Variants in CLYBL observed in about 807,000 individuals in gnomAD.
The protein encoded by CLYBL is citramalyl-CoA lyase.
In CLYBL, 31 loss-of-function variants were observed where a neutral mutation model predicts 38.9. That is an observed-to-expected ratio of 0.80 (90% CI 0.60 to 1.08). CLYBL has a LOEUF of 1.08. Among genes scored for constraint, CLYBL ranks in the 50% least tolerant of loss-of-function variants. The pLI is 0.00. For missense variants in CLYBL, 434 were observed against 411.6 expected, an observed-to-expected ratio of 1.05 and a Z score of -0.47; for synonymous variants, 171 against 158.6, an observed-to-expected ratio of 1.08 and a Z score of -0.59.
chr13:99,676,164 G>T (rs1226551221), intron 1 of CLYBL, among the ~76,000 whole-genome samples: 1 of 136,946 alleles, frequency 7.3e-6, no homozygotes, highest in Non-Finnish European at 1.7e-5. Context: ...CCACAGACTG[G>T]CTTCCTTCCT....
chr13:99,866,518 C>A, intron 6 of CLYBL, 111 bp downstream of exon 6: 1 of 858,088 alleles, frequency 1.2e-6, no homozygotes, highest in Non-Finnish European at 1.7e-6. Flanking sequence ...ATACTTACTC[C>A]ACTATTTGAA....
intron 1 of CLYBL, among the ~76,000 whole-genome samples, chr13:99,708,834 C>T (rs541086237): frequency 4.1e-4 from 62 of 152,216 alleles, no homozygotes; most frequent in Non-Finnish European, 7.1e-4. Flanking sequence ...TGGCTCACAC[C>T]TGTAATCCCA....
chr13:99,733,970 T>C (rs1035345686), intron 1 of CLYBL, among the ~76,000 whole-genome samples: 2 of 152,224 alleles, frequency 1.3e-5, no homozygotes, highest in East Asian at 1.9e-4. Context: ...TTGAATGTGC[T>C]CGACTTTTAT....
chr13:99,879,337 T>C (rs2052134462), intron 7 of CLYBL, among the ~76,000 whole-genome samples: 1 of 152,186 alleles, frequency 6.6e-6, no homozygotes. Flanking sequence ...TCCACTCAAT[T>C]TCCACATTCC....
chr13:99,899,838 C>T (rs893223962), downstream of CLYBL, among the ~76,000 whole-genome samples: 1 of 152,176 alleles, frequency 6.6e-6, no homozygotes, highest in Non-Finnish European at 1.5e-5. Flanking sequence ...AACCTGCGCA[C>T]AGTAGAGTTT....
downstream of CLYBL, among the ~76,000 whole-genome samples, chr13:99,901,602 C>G (rs112314928): frequency 4.4e-3 from 670 of 151,286 alleles, 9 homozygotes; most frequent in African/African-American, 0.015. Flanking sequence ...AATTTTGCTG[C>G]CAAAGTTGCT....
Position 99,655,328 on chromosome 13 carries a change from G to A in CLYBL, c.62+48571G>A, listed in dbSNP as rs7322953. Among the ~76,000 whole-genome samples, 723 of 152,128 alleles carry A rather than the reference G, an allele frequency of 4.8e-3. 8 individuals are homozygous for A. Among genetic ancestry groups the A allele is most frequent in the African/African-American group, 0.016 (659 of 41,526 alleles). On this transcript the variant is annotated intron_variant, in intron 1 of 8. Transcript: ENST00000339105. ...TGACCTCAGATGATCTGTCTGCCTCGGCCTCCCAAAGTGCTGGGATTATAG... is the reference window on the plus strand; with the variant it reads ...TGACCTCAGATGATCTGTCTGCCTCAGCCTCCCAAAGTGCTGGGATTATAG...
At chr13:99,786,892 C>A (rs550950764) in intron 2 of CLYBL, among the ~76,000 whole-genome samples, 1 of 151,822 alleles carries the variant, frequency 6.6e-6, no homozygotes, top group Non-Finnish European at 1.5e-5. Context: ...TTTTAATGAT[C>A]GCCATTCTAA....
intron 2 of CLYBL, among the ~76,000 whole-genome samples, chr13:99,854,155 T>A (rs967240730): frequency 6.6e-6 from 1 of 152,166 alleles, no homozygotes; most frequent in Non-Finnish European, 1.5e-5. Context: ...AAATCTTGGG[T>A]CGCACATAGC....
intron 3 of CLYBL, 29 bp downstream of exon 3, chr13:99,859,078 T>C (rs764012356): frequency 1.3e-6 from 2 of 1,577,412 alleles, no homozygotes; most frequent in East Asian, 4.5e-5. Context: ...GCCTTAAGAC[T>C]CAGGAGCAGC....
intron 2 of CLYBL, among the ~76,000 whole-genome samples, chr13:99,824,668 T>G (rs1449896270): frequency 6.6e-6 from 1 of 152,126 alleles, no homozygotes; most frequent in Non-Finnish European, 1.5e-5. Flanking sequence ...TTTCTTTTCC[T>G]CTTTATCTCA....
intron 1 of CLYBL, among the ~76,000 whole-genome samples, chr13:99,670,445 T>C (rs1476219195): frequency 6.6e-6 from 1 of 151,734 alleles, no homozygotes; most frequent in Admixed American, 6.6e-5. Flanking sequence ...GGCAGTTTCC[T>C]GAAACATAAC....
chr13:99,633,620 T>C (rs916951783), intron 1 of CLYBL, among the ~76,000 whole-genome samples: 3 of 151,926 alleles, frequency 2.0e-5, no homozygotes, highest in African/African-American at 4.8e-5. Flanking sequence ...TGGGAAGTGA[T>C]TGTTTAATGC....
chr13:99,711,440 G>A (rs1438402766), intron 1 of CLYBL, among the ~76,000 whole-genome samples: 7 of 124,556 alleles, frequency 5.6e-5, no homozygotes, highest in Admixed American at 5.2e-4. Flanking sequence ...ACGGAGTTTC[G>A]CTCTCGTTGC....
intron 1 of CLYBL, among the ~76,000 whole-genome samples, chr13:99,611,410 G>A (rs967626367): frequency 6.6e-6 from 1 of 152,142 alleles, no homozygotes; most frequent in African/African-American, 2.4e-5. Context: ...TTGATCATAA[G>A]GCTTTTCTTC....
In CLYBL at chr13:99,866,187, G is replaced by T. The variant is rs1249687090; in HGVS notation, c.635-53G>T. 3.9e-6 allele frequency: 6 copies of T among 1,533,470 alleles called. No individual in the cohort carries two copies. In the East Asian group the frequency reaches 9.0e-5, roughly 23 times the overall value. The allele number at this position is 1,533,470 out of a possible 1,614,324, so 95.0% of individuals were successfully genotyped here. A position where few individuals can be genotyped will look rare whatever the true frequency, so the allele number is the denominator to read the frequency against. ...ACTGAGGTTTTATAATAAATATCTG[G>T]GTGCGGTTTCCAAAGTTAAAGCCTC... is the stretch of plus-strand genomic sequence containing the variant. On this transcript the variant is annotated intron_variant, in intron 5 of 8. Transcript: ENST00000339105.
chr13:99,646,311 A>G (rs2047175081), intron 1 of CLYBL, among the ~76,000 whole-genome samples: 1 of 151,970 alleles, frequency 6.6e-6, no homozygotes, highest in Non-Finnish European at 1.5e-5. Context: ...GTGGTGTGTT[A>G]TAGGAGTTTG....
chr13:99,742,849 T>A (rs1159767487), intron 1 of CLYBL, among the ~76,000 whole-genome samples: 2 of 152,218 alleles, frequency 1.3e-5, no homozygotes, highest in African/African-American at 4.8e-5. Flanking sequence ...GGACAGGGAC[T>A]GTTTGGTTTG....
At chr13:99,731,628 A>G (rs1165380688) in intron 1 of CLYBL, among the ~76,000 whole-genome samples, 5 of 152,188 alleles carry the variant, frequency 3.3e-5, no homozygotes, top group Admixed American at 2.6e-4. Flanking sequence ...AAGGCCATAC[A>G]TTAGTTTCAA....
Sources: gnomAD v4.1 joint callset for allele counts (sites outside exome capture counted in the v4.1 genomes callset) on GRCh38, gnomAD v4.1.1 for gene constraint, MANE v1.5 for transcripts, NCBI Gene and HGNC (gene_info 2026-07-23, HGNC 2026-07-21) for gene names.